The following ATP2A1 variants were observed in gnomAD, a reference collection of about 807,000 sequenced individuals.
ATP2A1 encodes the protein ATPase sarcoplasmic/endoplasmic reticulum Ca2+ transporting 1.
A neutral mutation model predicts 109.5 loss-of-function variants in ATP2A1; 83 were observed. The observed-to-expected ratio is 0.76, with a 90% CI of 0.63 to 0.91. The LOEUF (loss-of-function observed/expected upper bound fraction) is 0.91, where lower values mean the gene tolerates loss of function less well. Among genes scored for constraint, ATP2A1 ranks in the 40% least tolerant of loss-of-function variants. The pLI is 0.00. For synonymous variants in ATP2A1, 505 were observed against 537.6 expected (o/e 0.94, Z 0.84); for missense variants, 1,101 against 1,341.0 (o/e 0.82, Z 2.80).
At position 28,889,750 on chromosome 16, in the gene ATP2A1, G is replaced by T. The variant is rs150443347; in HGVS notation, c.1095+797G>T. Among the ~76,000 whole-genome samples the T allele has an allele frequency of 2.0e-5, 3 of 152,308 alleles. No individual in the cohort carries two copies. In the South Asian group the frequency reaches 6.2e-4, roughly 32 times the overall value. ...CCCGGCCAGACTGCCAACACTGACC[G>T]TGAACAGCATTTCCTAAAGCAGGGC... On this transcript the variant is annotated intron_variant, in intron 9 of 22. Coordinates refer to ENST00000395503, the MANE Select transcript of ATP2A1 (RefSeq NM_004320.6).
At position 28,883,045 on chromosome 16, in the gene ATP2A1, G is replaced by A. The variant is rs893817907; in HGVS notation, c.463+456G>A. 2.6e-5 allele frequency among the ~76,000 whole-genome samples: 4 copies of A among 152,210 alleles called. No individual in the cohort carries two copies. Among genetic ancestry groups the A allele is most frequent in the South Asian group, 2.1e-4 (1 of 4,836 alleles). On this transcript the variant is annotated intron_variant, in intron 5 of 22. Coordinates refer to ENST00000395503, the MANE Select transcript of ATP2A1 (RefSeq NM_004320.6). The surrounding 1 kb of genome is among the most constrained non-coding windows in gnomAD (Gnocchi z 5.2). ...AGGGAGGCCGAAGGCTCGAGCCCCC[G>A]ACCATGTAAGGGAAACTCAGGCCTG... is the stretch of plus-strand genomic sequence containing the variant.
intron 9 of ATP2A1, 27 bp from the exon 10 acceptor site, chr16:28,894,128 C>T: frequency 6.2e-7 from 1 of 1,603,640 alleles, no homozygotes; most frequent in African/African-American, 1.3e-5. Context: ...AGGTGGACAT[C>T]TGTGTGCCTG....
chr16:28,882,654 G>C, intron 5 of ATP2A1, 65 bp downstream of exon 5: 1 of 1,595,454 alleles, frequency 6.3e-7, no homozygotes, highest in Admixed American at 1.8e-5. Context: ...GAGATGCCGG[G>C]GGCTGGTCAG....
At position 28,883,355 on chromosome 16, in the gene ATP2A1, C is replaced by A. The variant is rs184151428; in HGVS notation, c.463+766C>A. ...AGTGAGGGCAGGCTGAAGACCCCAG[C>A]GCCCCATCACAGGGCAGCCTTGCCG... On this transcript the variant is annotated intron_variant, in intron 5 of 22. Coordinates refer to ENST00000395503, the MANE Select transcript of ATP2A1 (RefSeq NM_004320.6). The surrounding 1 kb of genome is among the most constrained non-coding windows in gnomAD (Gnocchi z 5.2). Among the ~76,000 whole-genome samples the A allele has an allele frequency of 6.6e-6, 1 of 152,194 alleles. No individual in the cohort carries two copies. Among genetic ancestry groups the A allele is most frequent in the Non-Finnish European group, 1.5e-5 (1 of 68,020 alleles).
chr16:28,892,848 C>T (rs1001795995), intron 9 of ATP2A1, among the ~76,000 whole-genome samples: 7 of 151,978 alleles, frequency 4.6e-5, no homozygotes, highest in African/African-American at 1.7e-4. Flanking sequence ...AGTTCGGGAC[C>T]AGCCTGGCCA....
In ATP2A1 at chr16:28,903,875, C is replaced by T. The variant is rs981120608; in HGVS notation, c.*37+134C>T. ...GGAGCCGTTGCCACTGCTGCTGCTG[C>T]GCTTCCAGTCAGGGTGGGCCGCTGG... is the stretch of plus-strand genomic sequence containing the variant. On this transcript the variant is annotated intron_variant, in intron 22 of 22. Coordinates refer to ENST00000395503, the MANE Select transcript of ATP2A1 (RefSeq NM_004320.6). This position sits in a 1 kb window ranked among gnomAD's most constrained non-coding sequence, Gnocchi z 5.6. 6 of 929,444 alleles carry T rather than the reference C, an allele frequency of 6.5e-6. No homozygotes were observed. Among genetic ancestry groups the T allele is most frequent in the Admixed American group, 1.8e-5 (1 of 56,944 alleles). 57.6% of individuals were successfully genotyped at this position (929,444 alleles called of 1,614,324 possible).
intron 9 of ATP2A1, among the ~76,000 whole-genome samples, chr16:28,890,266 G>A (rs1280817195): frequency 7.3e-6 from 1 of 137,108 alleles, no homozygotes; most frequent in Non-Finnish European, 1.5e-5. Flanking sequence ...ACCAGCCTAA[G>A]CAACATAGTG....
At chr16:28,892,400 C>T (rs767689072) in intron 9 of ATP2A1, 3 of 375,248 alleles carry the variant, frequency 8.0e-6, no homozygotes, top group Non-Finnish European at 1.6e-5. Flanking sequence ...AATTGCTGTT[C>T]TGAGAAGCAA....
Position 28,887,273 on chromosome 16 carries a change from C to T in ATP2A1, c.629C>T (p.Ser210Leu), listed in dbSNP as rs772693650. The T allele has an allele frequency of 5.6e-6, 9 of 1,614,066 alleles. No individual in the cohort carries two copies. The highest frequency in any genetic ancestry group is 3.3e-5 in the South Asian group (3 of 91,062). The change falls in exon 7 of 23, where the codon TCG becomes TTG. Residue 210 changes from serine (S) to leucine (L), a missense_variant and splice_region_variant. Transcript: ENST00000395503. ...CAGGACAAGAAGAACATGCTTTTCT[C>T]GGTGAGCAATCCGGGACCAGCCATC... ...VNQDKKNMLF[S>L]GTNIAAGKAL...
chr16:28,879,265 G>A (rs1963378508), intron 2 of ATP2A1, 149 bp downstream of exon 2: 4 of 1,082,376 alleles, frequency 3.7e-6, no homozygotes, highest in Admixed American at 1.9e-5. Flanking sequence ...AGTCCTGTCC[G>A]GGGCAGAAGT....
intron 9 of ATP2A1, among the ~76,000 whole-genome samples, chr16:28,893,368 T>C (rs928385589): frequency 5.9e-5 from 9 of 151,432 alleles, no homozygotes; most frequent in Non-Finnish European, 1.2e-4. Context: ...ATCACACCAC[T>C]GTACTCCAGC....
In ATP2A1 at chr16:28,890,097, G is replaced by A. The variant is rs1413305940; in HGVS notation, c.1095+1144G>A. On this transcript the variant is annotated intron_variant, in intron 9 of 22. Coordinates refer to ENST00000395503, the MANE Select transcript of ATP2A1 (RefSeq NM_004320.6). ...GCAGAGGTTGCAGTGAGCCGAGATC[G>A]CGCCACTGCACTCCAGTGTGGGCGA... Among the ~76,000 whole-genome samples, 11 of 152,078 alleles carry A rather than the reference G, an allele frequency of 7.2e-5. No individual in the cohort carries two copies. The East Asian group carries it at 7.7e-4, about 11-fold the overall frequency.
chr16:28,879,117 G>A lies in ATP2A1; in HGVS notation c.136+1G>A, dbSNP rs374059415. ...TGGGTAGAGCTCCCTGCTGAGGAAG[G>A]TAAGTTACTGGAATCCCTGAACTCT... On this transcript the variant is annotated splice_donor_variant, in intron 2 of 22. Transcript: ENST00000395503. LOFTEE classifies it high-confidence loss of function. 1.2e-6 allele frequency: 2 copies of A among 1,613,944 alleles called. No individual in the cohort carries two copies. The highest frequency in any genetic ancestry group is 2.7e-5 in the African/African-American group (2 of 74,870).
chr16:28,903,398 C>T lies in ATP2A1; in HGVS notation c.2938C>T (p.Leu980Phe), dbSNP rs1964148756. Residue 980 changes from leucine to phenylalanine, a missense_variant, in exon 21 of 23, where the codon CTC becomes TTC. Physicochemically the swap from Leu to Phe is conservative, Grantham distance 22. Coordinates refer to ENST00000395503, the MANE Select transcript of ATP2A1 (RefSeq NM_004320.6). The surrounding 1 kb of genome is among the most constrained non-coding windows in gnomAD (Gnocchi z 5.6). The part of the protein sequence containing the change: ...VLKISLPVIG[L>F]DEILKFVARN... Reference sequence around the variant, plus strand: ...CAAGATCTCACTGCCAGTCATTGGGCTCGACGAAATCCTCAAGTTCGTTGC... The same window carrying T: ...CAAGATCTCACTGCCAGTCATTGGGTTCGACGAAATCCTCAAGTTCGTTGC... The T allele has an allele frequency of 6.2e-7, 1 of 1,613,996 alleles. No individual in the cohort carries two copies. The highest frequency in any genetic ancestry group is 1.1e-5 in the South Asian group (1 of 91,076).
At position 28,883,592 on chromosome 16, in the gene ATP2A1, C is replaced by A. The variant is rs571426638; in HGVS notation, c.464-983C>A. Among the ~76,000 whole-genome samples, 2 of 152,176 alleles carry A rather than the reference C, an allele frequency of 1.3e-5. No homozygotes were observed. Among genetic ancestry groups the A allele is most frequent in the Non-Finnish European group, 2.9e-5 (2 of 68,024 alleles). ...GTGGGACCAGTGCGGAATTAGGCAG[C>A]GGCCCTGGGAGATTCTTAGCCTCCT... On this transcript the variant is annotated intron_variant, in intron 5 of 22. Coordinates refer to ENST00000395503, the MANE Select transcript of ATP2A1 (RefSeq NM_004320.6). This position sits in a 1 kb window ranked among gnomAD's most constrained non-coding sequence, Gnocchi z 5.2.
At chr16:28,879,400 C>T (rs1308986278) in intron 2 of ATP2A1, 101 bp from the exon 3 acceptor site, 14 of 1,158,088 alleles carry the variant, frequency 1.2e-5, no homozygotes, top group Non-Finnish European at 1.8e-5. Flanking sequence ...TGCCCACCAC[C>T]CTAGAGCCTC....
At position 28,879,577 on chromosome 16, in the gene ATP2A1, T is replaced by A; in HGVS notation, c.213T>A (p.Ile71=). Residue 71 remains isoleucine, a synonymous_variant, in exon 3 of 23, where the codon ATT becomes ATA. Coordinates refer to ENST00000395503, the MANE Select transcript of ATP2A1 (RefSeq NM_004320.6). The part of the protein sequence containing the change: ...LVRILLLAAC[I]SFVLAWFEEG... ...GGATTCTCCTCCTGGCCGCATGCAT[T>A]TCCTTCGTAAGTGTGGGAGGGTCTC... 2 of 1,614,078 alleles carry A rather than the reference T, an allele frequency of 1.2e-6. No individual in the cohort carries two copies. The highest frequency in any genetic ancestry group is 1.7e-6 in the Non-Finnish European group (2 of 1,179,980).
At chr16:28,881,360 CCACTGA>C in intron 4 of ATP2A1, 2 of 402,212 alleles carry the variant, frequency 5.0e-6, no homozygotes, top group Non-Finnish European at 9.4e-6. Context: ...TTTCCTTCTT[CCACTGA>C]CCTGACCACC....
chr16:28,902,579 G>A lies in ATP2A1; in HGVS notation c.2525-1G>A. The A allele has an allele frequency of 6.2e-7, 1 of 1,613,972 alleles. No individual in the cohort carries two copies. On this transcript the variant is annotated splice_acceptor_variant, in intron 17 of 22. Coordinates refer to ENST00000395503, the MANE Select transcript of ATP2A1 (RefSeq NM_004320.6). LOFTEE classifies it high-confidence loss of function. The surrounding 1 kb of genome is among the most constrained non-coding windows in gnomAD (Gnocchi z 4.8). Reference sequence around the variant, plus strand: ...CCCCGACTCCCCTCTCTCCACCACAGGCTATGTGGGTGCAGCCACCGTGGG... The same window carrying A: ...CCCCGACTCCCCTCTCTCCACCACAAGCTATGTGGGTGCAGCCACCGTGGG...
Sources: allele counts gnomAD v4.1 joint callset (sites outside exome capture counted in the v4.1 genomes callset), GRCh38; gene constraint gnomAD v4.1.1; non-coding constraint Gnocchi (gnomAD v3.1); transcripts MANE v1.5; gene names NCBI Gene and HGNC (gene_info 2026-07-23, HGNC 2026-07-21).